The following PTPRG variants were observed in gnomAD, a reference collection of about 807,000 sequenced individuals.
PTPRG encodes the protein protein tyrosine phosphatase receptor type G.
A neutral mutation model predicts 165.3 loss-of-function variants in PTPRG; 102 were observed. The observed-to-expected ratio is 0.62, with a 90% CI of 0.53 to 0.73. The LOEUF (loss-of-function observed/expected upper bound fraction) is 0.73. Ranked by LOEUF, PTPRG falls within the 30% of genes least tolerant of loss-of-function variation. The pLI, the probability that PTPRG is intolerant of heterozygous loss-of-function variation, is 0.00. For synonymous variants in PTPRG, 675 were observed against 669.5 expected (o/e 1.01, Z -0.13); for missense variants, 1,866 against 1,861.4 (o/e 1.00, Z -0.05).
At chr3:62,269,470 T>C (rs1468137445) in intron 20 of PTPRG, among the ~76,000 whole-genome samples, 1 of 152,100 alleles carries the variant, frequency 6.6e-6, no homozygotes, top group African/African-American at 2.4e-5. Flanking sequence ...ATCTGTTTGA[T>C]TTAGCTTTTT....
chr3:61,577,731 T>C (rs1700199958), intron 1 of PTPRG, among the ~76,000 whole-genome samples: 1 of 152,194 alleles, frequency 6.6e-6, no homozygotes, highest in Non-Finnish European at 1.5e-5. Context: ...TCCAACCTTT[T>C]CTCACCTTCC....
intron 1 of PTPRG, among the ~76,000 whole-genome samples, chr3:61,672,601 T>C (rs1409364373): frequency 2.5e-4 from 38 of 151,290 alleles, no homozygotes; most frequent in African/African-American, 4.1e-4. Context: ...CGCCTGCAAT[T>C]GCAGGCACTC....
chr3:61,840,879 GC>G (rs1231091841), intron 2 of PTPRG, among the ~76,000 whole-genome samples: 1 of 150,230 alleles, frequency 6.7e-6, no homozygotes, highest in Non-Finnish European at 1.5e-5. Flanking sequence ...CACCACCTGG[GC>G]AAGCAATTCT....
chr3:61,739,698 C>T (rs1040607733), intron 1 of PTPRG, among the ~76,000 whole-genome samples: 3 of 152,150 alleles, frequency 2.0e-5, no homozygotes, highest in African/African-American at 2.4e-5. Flanking sequence ...ATGATGCTTT[C>T]CTCATAGGCA....
chr3:61,729,868 C>T (rs892163109), intron 1 of PTPRG, among the ~76,000 whole-genome samples: 1 of 151,966 alleles, frequency 6.6e-6, no homozygotes, highest in Admixed American at 6.5e-5. Flanking sequence ...ATATTTATTG[C>T]TTTCATTATC....
chr3:61,888,558 C>T (rs2038120939), intron 2 of PTPRG, among the ~76,000 whole-genome samples: 1 of 152,112 alleles, frequency 6.6e-6, no homozygotes, highest in Non-Finnish European at 1.5e-5. Flanking sequence ...GTCTCGATCT[C>T]CTGACCTTGC....
intron 4 of PTPRG, among the ~76,000 whole-genome samples, chr3:62,072,743 G>C (rs763495099): frequency 6.6e-6 from 1 of 152,054 alleles, no homozygotes; most frequent in African/African-American, 2.4e-5. Flanking sequence ...TCCTTCCCTT[G>C]CAAAAGAGAG....
intron 1 of PTPRG, among the ~76,000 whole-genome samples, chr3:61,631,286 C>T (rs1434644009): frequency 6.6e-6 from 1 of 152,064 alleles, no homozygotes; most frequent in Non-Finnish European, 1.5e-5. Context: ...TACAGTAGTC[C>T]ACCCTTATCT....
chr3:62,041,739 T>C (rs192648775), intron 4 of PTPRG, among the ~76,000 whole-genome samples: 13 of 152,212 alleles, frequency 8.5e-5, no homozygotes, highest in Non-Finnish European at 1.2e-4. Flanking sequence ...ATGACGGTGG[T>C]AATGATCATT....
chr3:62,097,426 C>G (rs773221256), intron 5 of PTPRG, among the ~76,000 whole-genome samples: 1 of 151,980 alleles, frequency 6.6e-6, no homozygotes, highest in Non-Finnish European at 1.5e-5. Flanking sequence ...GACATTTTCA[C>G]GTAAAATAAA....
At chr3:62,067,452 A>G (rs982814451) in intron 4 of PTPRG, among the ~76,000 whole-genome samples, 3 of 152,120 alleles carry the variant, frequency 2.0e-5, no homozygotes, top group Admixed American at 2.0e-4. Flanking sequence ...GACCTTGTCC[A>G]TGGTGGCGAT....
intron 1 of PTPRG, among the ~76,000 whole-genome samples, chr3:61,596,631 A>G (rs991449988): frequency 3.3e-5 from 5 of 152,200 alleles, no homozygotes; most frequent in Non-Finnish European, 2.9e-5. Context: ...TCCGAGACCC[A>G]TTCAGAGTCA....
chr3:61,570,941 C>T (rs189145738), intron 1 of PTPRG, among the ~76,000 whole-genome samples: 25 of 152,158 alleles, frequency 1.6e-4, no homozygotes, highest in African/African-American at 5.5e-4. Flanking sequence ...GGTTGGGTGG[C>T]GCTGGGGCTC....
At chr3:62,238,145 G>T (rs184882530) in intron 14 of PTPRG, among the ~76,000 whole-genome samples, 1 of 152,230 alleles carries the variant, frequency 6.6e-6, no homozygotes, top group Non-Finnish European at 1.5e-5. Context: ...TGCTTACTCT[G>T]TGAGAGGGAT....
chr3:62,196,144 C>T (rs985909307), intron 10 of PTPRG, among the ~76,000 whole-genome samples: 1 of 152,078 alleles, frequency 6.6e-6, no homozygotes, highest in South Asian at 2.1e-4. Context: ...CACCTGTTAT[C>T]CCAGCACTTT....
At chr3:61,696,226 G>T (rs2030581190) in intron 1 of PTPRG, among the ~76,000 whole-genome samples, 1 of 152,154 alleles carries the variant, frequency 6.6e-6, no homozygotes, top group Non-Finnish European at 1.5e-5. Context: ...GCCAGGCCGG[G>T]CGCGGTGACT....
chr3:62,016,993 T>A (rs965122721), intron 4 of PTPRG, among the ~76,000 whole-genome samples: 4 of 152,228 alleles, frequency 2.6e-5, no homozygotes, highest in Non-Finnish European at 5.9e-5. Context: ...TATTTACTTA[T>A]TGATTTCTTT....
chr3:62,080,369 C>A (rs2106760257), intron 5 of PTPRG, among the ~76,000 whole-genome samples: 1 of 152,220 alleles, frequency 6.6e-6, no homozygotes, highest in Non-Finnish European at 1.5e-5. Context: ...AGCCACTGCG[C>A]CCAGCCCCCT....
At chr3:61,904,981 G>T (rs1302979173) in intron 2 of PTPRG, among the ~76,000 whole-genome samples, 1 of 151,438 alleles carries the variant, frequency 6.6e-6, no homozygotes, top group Non-Finnish European at 1.5e-5. Context: ...CCTGCTGTCT[G>T]TCTTTTCCTG....
Sources: gnomAD v4.1 joint callset for allele counts (sites outside exome capture counted in the v4.1 genomes callset) on GRCh38, gnomAD v4.1.1 for gene constraint, MANE v1.5 for transcripts, NCBI Gene and HGNC (gene_info 2026-07-23, HGNC 2026-07-21) for gene names.